Variants in NAV1 observed in about 807,000 individuals in gnomAD.
The protein encoded by NAV1 is neuron navigator 1.
A neutral mutation model predicts 175.2 loss-of-function variants in NAV1; 18 were observed. That is an observed-to-expected ratio of 0.10 (90% CI 0.07 to 0.15). The LOEUF is 0.15. Ranked by LOEUF, NAV1 falls within the 10% of genes least tolerant of loss-of-function variation. The probability of loss-of-function intolerance (pLI) is 1.00; values close to 1 mark genes in which losing one functional copy is unlikely to be tolerated. For synonymous variants in NAV1, 897 were observed against 978.7 expected (o/e 0.92, Z 1.56); for missense variants, 1,731 against 2,436.6 (o/e 0.71, Z 6.10).
At chr1:201,725,320 G>C (rs1240635092) in intron 3 of NAV1, among the ~76,000 whole-genome samples, 1 of 152,228 alleles carries the variant, frequency 6.6e-6, no homozygotes, top group Non-Finnish European at 1.5e-5. Flanking sequence ...TAGCGGGACA[G>C]CTGGGCCAGG....
chr1:201,777,779 C>T (rs1054392809), intron 3 of NAV1, among the ~76,000 whole-genome samples: 5 of 151,622 alleles, frequency 3.3e-5, no homozygotes, highest in East Asian at 1.9e-4. Flanking sequence ...GGTGAAACAC[C>T]GTGTCTACTA....
At chr1:201,816,385 A>G (rs1375177871) in intron 28 of NAV1, among the ~76,000 whole-genome samples, 1 of 152,156 alleles carries the variant, frequency 6.6e-6, no homozygotes, top group East Asian at 1.9e-4. Flanking sequence ...AAAAATATAT[A>G]TGTAAGGTAA....
chr1:201,568,928 G>A (rs1666448576), intron 1 of NAV1, among the ~76,000 whole-genome samples: 1 of 152,146 alleles, frequency 6.6e-6, no homozygotes. Flanking sequence ...AGGTCCTAGG[G>A]AGGAAGGTCA....
At chr1:201,684,370 T>C (rs1265650842) in intron 1 of NAV1, among the ~76,000 whole-genome samples, 2 of 152,166 alleles carry the variant, frequency 1.3e-5, no homozygotes, top group African/African-American at 4.8e-5. Flanking sequence ...ATATGTGATA[T>C]ATATGTAAAC....
chr1:201,762,853 C>T (rs1402926690), intron 3 of NAV1, among the ~76,000 whole-genome samples: 1 of 152,210 alleles, frequency 6.6e-6, no homozygotes, highest in African/African-American at 2.4e-5. Flanking sequence ...CCTAAGGAAA[C>T]ACTGCAGGAA....
At chr1:201,612,500 C>T (rs962322314) in intron 2 of NAV1, among the ~76,000 whole-genome samples, 6 of 152,206 alleles carry the variant, frequency 3.9e-5, no homozygotes, top group East Asian at 1.9e-4. Context: ...TTATTGCTCA[C>T]GGTTCTGGAG....
intron 17 of NAV1, among the ~76,000 whole-genome samples, chr1:201,806,426 G>A (rs774397206): frequency 5.9e-5 from 9 of 152,028 alleles, no homozygotes; most frequent in East Asian, 1.9e-4. Context: ...CAAACATCTC[G>A]GAACAGTTCT....
At chr1:201,720,697 G>C (rs1672346111) in intron 3 of NAV1, among the ~76,000 whole-genome samples, 1 of 152,178 alleles carries the variant, frequency 6.6e-6, no homozygotes, top group African/African-American at 2.4e-5. Context: ...TTATCTCAGG[G>C]TTCTGATGAG....
chr1:201,752,558 C>T (rs1278158600), intron 3 of NAV1, among the ~76,000 whole-genome samples: 4 of 151,790 alleles, frequency 2.6e-5, no homozygotes, highest in Admixed American at 2.0e-4. Flanking sequence ...ACACATGGTC[C>T]CAGTCATCAC....
exon 1 of NAV1, chr1:201,648,355 A>C: frequency 8.4e-7 from 1 of 1,197,602 alleles, no homozygotes; most frequent in Non-Finnish European, 1.0e-6. Context: ...CCTTTGACTG[A>C]TTTTTAAATT....
At chr1:201,651,009 T>G (rs1669181059) in intron 1 of NAV1, among the ~76,000 whole-genome samples, 1 of 152,006 alleles carries the variant, frequency 6.6e-6, no homozygotes, top group Non-Finnish European at 1.5e-5. Context: ...AATTAATAAA[T>G]TTTTGGCAGG....
upstream of NAV1, among the ~76,000 whole-genome samples, chr1:201,618,255 C>T (rs571147380): frequency 8.5e-4 from 129 of 152,254 alleles, no homozygotes; most frequent in African/African-American, 3.0e-3. Context: ...AACCTGCACC[C>T]GGGCTGGATG....
chr1:201,669,553 C>A (rs946038080), intron 1 of NAV1, among the ~76,000 whole-genome samples: 4 of 152,178 alleles, frequency 2.6e-5, no homozygotes, highest in Admixed American at 6.5e-5. Context: ...GAATTTTATC[C>A]CTACATCCAG....
At chr1:201,641,272 C>G (rs1668745216) in intron 2 of NAV1, among the ~76,000 whole-genome samples, 1 of 152,214 alleles carries the variant, frequency 6.6e-6, no homozygotes. Flanking sequence ...CTTCTCACTA[C>G]CACCACAGTC....
intron 3 of NAV1, among the ~76,000 whole-genome samples, chr1:201,728,392 G>GACC: frequency 6.6e-6 from 1 of 152,032 alleles, no homozygotes; most frequent in African/African-American, 2.4e-5. Flanking sequence ...AGGAGTTCAA[G>GACC]ACCAGCCTGG....
chr1:201,808,889 G>GA lies in NAV1; in HGVS notation c.4207+20dup, dbSNP rs1678499687. ...AGACACAGGTACCTGTGTGGGAGAAGAATCTATAAGGGTGAAGGGAAGAAA... is the reference window on the plus strand; with the variant it reads ...AGACACAGGTACCTGTGTGGGAGAAGAAATCTATAAGGGTGAAGGGAAGAAA... On this transcript the variant is annotated intron_variant, in intron 20 of 29. Transcript: ENST00000367296. The surrounding 1 kb of genome is among the most constrained non-coding windows in gnomAD (Gnocchi z 5.5). 1 of 1,604,654 alleles carries GA rather than the reference G, an allele frequency of 6.2e-7. No homozygotes were observed. The highest frequency in any genetic ancestry group is 8.5e-7 in the Non-Finnish European group (1 of 1,174,720).
exon 1 of NAV1, chr1:201,649,419 A>C: frequency 6.4e-7 from 1 of 1,550,890 alleles, no homozygotes; most frequent in Non-Finnish European, 8.7e-7. Flanking sequence ...CTTCAGCCAG[A>C]TGCTGGGTAA....
At chr1:201,729,281 T>A (rs1256623115) in intron 3 of NAV1, among the ~76,000 whole-genome samples, 2 of 152,254 alleles carry the variant, frequency 1.3e-5, no homozygotes, top group Non-Finnish European at 2.9e-5. Context: ...AAGCTGTTTA[T>A]CTATTTTAAG....
intron 1 of NAV1, among the ~76,000 whole-genome samples, chr1:201,669,842 G>A (rs766883262): frequency 2.6e-5 from 4 of 152,128 alleles, no homozygotes; most frequent in Non-Finnish European, 5.9e-5. Flanking sequence ...GGGATTCCCC[G>A]GGAAAAGAGA....
Sources: gnomAD v4.1 joint callset for allele counts (sites outside exome capture counted in the v4.1 genomes callset) on GRCh38, gnomAD v4.1.1 for gene constraint, Gnocchi (gnomAD v3.1) non-coding constraint, MANE v1.5 for transcripts, NCBI Gene and HGNC (gene_info 2026-07-23, HGNC 2026-07-21) for gene names.